PLA2G4C: variants seen among roughly 807,000 people sequenced by gnomAD.
PLA2G4C encodes phospholipase A2 group IVC, also known as cytosolic phospholipase A2 gamma.
Under a neutral mutation model 73.8 loss-of-function variants are expected in PLA2G4C, and 64 were observed. The ratio of observed to expected loss-of-function variants is 0.87; its 90% confidence interval spans 0.71 to 1.07. The LOEUF (loss-of-function observed/expected upper bound fraction) is 1.07. Among genes scored for constraint, PLA2G4C ranks in the 50% least tolerant of loss-of-function variants. The pLI is 0.00. For synonymous variants in PLA2G4C, 254 were observed against 252.1 expected (o/e 1.01, Z -0.07); for missense variants, 622 against 665.4 (o/e 0.93, Z 0.72).
rs924920239 is a variant in PLA2G4C at position 48,075,198 on chromosome 19, ATTTG to A, written c.899-328_899-325del. On this transcript the variant is annotated intron_variant, in intron 11 of 16. Coordinates refer to ENST00000599921, the MANE Select transcript of PLA2G4C (RefSeq NM_003706.3). ...TATTTATTTATTTATTTATTTATTTATTTGAGACAGAGTATTGCTCTGTTGCCCA... is the reference window on the plus strand; with the variant it reads ...TATTTATTTATTTATTTATTTATTTAAGACAGAGTATTGCTCTGTTGCCCA... Among the ~76,000 whole-genome samples the A allele has an allele frequency of 9.9e-5, 13 of 130,924 alleles. No homozygotes were observed. The East Asian group carries it at 1.5e-3, about 15-fold the overall frequency. The allele number at this position is 130,924 out of a possible 152,430, so 85.9% of individuals were successfully genotyped here.
At chr19:48,082,388 G>A (rs1260167408) in intron 10 of PLA2G4C, among the ~76,000 whole-genome samples, 1 of 151,568 alleles carries the variant, frequency 6.6e-6, no homozygotes, top group Non-Finnish European at 1.5e-5. Context: ...AGAAAGCTAA[G>A]TCCTGATACA....
chr19:48,074,761 T>A lies in PLA2G4C; in HGVS notation c.1006+6A>T. The A allele has an allele frequency of 6.3e-7, 1 of 1,594,136 alleles. No individual in the cohort carries two copies. The highest frequency in any genetic ancestry group is 8.6e-7 in the Non-Finnish European group (1 of 1,161,894). ...TTGATGACACTTATCACACTACACA[T>A]GGTACCTTTCCTTTCGGGGTCCTCA... On this transcript the variant is annotated splice_donor_region_variant and intron_variant, in intron 12 of 16. Coordinates refer to ENST00000599921, the MANE Select transcript of PLA2G4C (RefSeq NM_003706.3).
intron 10 of PLA2G4C, among the ~76,000 whole-genome samples, chr19:48,081,390 C>T (rs113988966): frequency 0.02 from 3,096 of 152,156 alleles, 108 homozygotes; most frequent in African/African-American, 0.069. Context: ...GCTATGGGTA[C>T]GCAAAGGCAT....
intron 7 of PLA2G4C, 53 bp downstream of exon 7, chr19:48,095,411 G>A: frequency 1.3e-6 from 2 of 1,562,172 alleles, no homozygotes; most frequent in Non-Finnish European, 1.8e-6. Context: ...GAAAATTCTT[G>A]CCTCTCCTCC....
At chr19:48,077,952 TTC>T in intron 10 of PLA2G4C, 128 bp from the exon 11 acceptor site, 1 of 660,836 alleles carries the variant, frequency 1.5e-6, no homozygotes, top group Non-Finnish European at 2.5e-6. Flanking sequence ...TTGATACGGG[TTC>T]TGGAGAGCTA....
intron 3 of PLA2G4C, among the ~76,000 whole-genome samples, chr19:48,105,100 A>G (rs902793011): frequency 4.9e-5 from 7 of 142,156 alleles, no homozygotes; most frequent in South Asian, 2.2e-4. Flanking sequence ...AAAAAAAAAA[A>G]AAAAGAAAGA....
intron 4 of PLA2G4C, among the ~76,000 whole-genome samples, chr19:48,101,126 A>ATATATATTTTTTTT (rs1491313107): frequency 2.7e-5 from 2 of 74,130 alleles, no homozygotes; most frequent in African/African-American, 1.3e-4. Context: ...ATATATATAT[A>ATATATATTTTTTTT]TTTTTTTTTT....
At chr19:48,069,405 CCCAAGAGGCTG>C (rs1474047953) in intron 12 of PLA2G4C, among the ~76,000 whole-genome samples, 1 of 152,164 alleles carries the variant, frequency 6.6e-6, no homozygotes, top group Non-Finnish European at 1.5e-5. Context: ...CCTTCCCCAG[CCCAAGAGGCTG>C]CCAAGTCAGT....
intron 2 of PLA2G4C, 47 bp downstream of exon 2, chr19:48,106,475 C>T (rs367653637): frequency 4.2e-6 from 6 of 1,416,536 alleles, no homozygotes; most frequent in Non-Finnish European, 6.0e-6. Context: ...CATTCCATTA[C>T]ACAAATGCTC....
At chr19:48,067,763 C>T in intron 13 of PLA2G4C, 28 bp downstream of exon 13, 1 of 1,443,004 alleles carries the variant, frequency 6.9e-7, no homozygotes, top group Non-Finnish European at 9.8e-7. Flanking sequence ...AAGGACAGAC[C>T]AGGGCGGTGG....
At chr19:48,051,705 A>T (rs998257994) in intron 16 of PLA2G4C, 2 of 151,974 alleles carry the variant, frequency 1.3e-5, no homozygotes, top group Non-Finnish European at 2.9e-5. Context: ...CTCTCTTGAC[A>T]TGTGGGGATT....
At chr19:48,064,236 C>G (rs1379722767) in intron 13 of PLA2G4C, among the ~76,000 whole-genome samples, 1 of 152,140 alleles carries the variant, frequency 6.6e-6, no homozygotes, top group Admixed American at 6.5e-5. Context: ...CAAGACCAGC[C>G]TGACCAACAT....
intron 7 of PLA2G4C, chr19:48,090,685 G>A: frequency 6.8e-6 from 3 of 443,860 alleles, no homozygotes; most frequent in Non-Finnish European, 1.2e-5. Context: ...CTGTAGACTG[G>A]CTACCCCAAG....
At position 48,101,132 on chromosome 19, in the gene PLA2G4C, T is replaced by A. The variant is rs868789524; in HGVS notation, c.258-1272A>T. 5.4e-3 allele frequency among the ~76,000 whole-genome samples: 708 copies of A among 130,320 alleles called. 4 individuals are homozygous for A. Among genetic ancestry groups the A allele is most frequent in the African/African-American group, 0.018 (539 of 29,762 alleles). 85.5% of individuals were successfully genotyped at this position (130,320 alleles called of 152,430 possible). A position where few individuals can be genotyped will look rare whatever the true frequency, so the allele number is the denominator to read the frequency against. The stretch of plus-strand genomic sequence containing the variant: ...TATATATATATATATATATATTTTT[T>A]TTTTTTTTTTTGAGACAGGTCTTGC... On this transcript the variant is annotated intron_variant, in intron 4 of 16. Coordinates refer to ENST00000599921, the MANE Select transcript of PLA2G4C (RefSeq NM_003706.3).
intron 2 of PLA2G4C, among the ~76,000 whole-genome samples, chr19:48,106,058 G>A (rs543914380): frequency 1.4e-5 from 2 of 141,992 alleles, no homozygotes; most frequent in Non-Finnish European, 3.0e-5. Context: ...GTGCAGTGGC[G>A]CAATCTCAGT....
chr19:48,055,693 T>G (rs1322813214), intron 14 of PLA2G4C, among the ~76,000 whole-genome samples: 1 of 152,096 alleles, frequency 6.6e-6, no homozygotes, highest in East Asian at 1.9e-4. Context: ...CAGGCTGGAG[T>G]GCAATGGCAT....
chr19:48,095,715 G>T, intron 6 of PLA2G4C, 111 bp from the exon 7 acceptor site: 1 of 1,110,348 alleles, frequency 9.0e-7, no homozygotes, highest in Non-Finnish European at 1.4e-6. Flanking sequence ...ACAGGAGAAT[G>T]TTAGAGATGG....
At chr19:48,077,169 C>T (rs1040816534) in intron 11 of PLA2G4C, among the ~76,000 whole-genome samples, 1 of 152,060 alleles carries the variant, frequency 6.6e-6, no homozygotes, top group Non-Finnish European at 1.5e-5. Flanking sequence ...GTATATCTGA[C>T]GACTATGTAC....
At chr19:48,090,989 G>A (rs1026110781) in intron 7 of PLA2G4C, among the ~76,000 whole-genome samples, 3 of 147,244 alleles carry the variant, frequency 2.0e-5, no homozygotes, top group Admixed American at 1.4e-4. Flanking sequence ...TTGAGTGACA[G>A]AGAGAGACCC....
Sources: gnomAD v4.1 joint callset for allele counts (sites outside exome capture counted in the v4.1 genomes callset) on GRCh38, gnomAD v4.1.1 for gene constraint, MANE v1.5 for transcripts, NCBI Gene and HGNC (gene_info 2026-07-23, HGNC 2026-07-21) for gene names.